The following KCTD16 variants were observed in gnomAD, a reference collection of about 807,000 sequenced individuals.
The protein encoded by KCTD16 is BTB/POZ domain-containing protein KCTD16.
Under a neutral mutation model 33.2 loss-of-function variants are expected in KCTD16, and 13 were observed. That is an observed-to-expected ratio of 0.39 (90% confidence interval 0.25 to 0.62). The LOEUF is 0.62. KCTD16 is among the 20% of genes least tolerant of loss of function. The pLI is 0.50. For synonymous variants in KCTD16, 197 were observed against 195.3 expected (o/e 1.01, Z -0.07); for missense variants, 441 against 525.1 (o/e 0.84, Z 1.57).
intron 3 of KCTD16, among the ~76,000 whole-genome samples, chr5:144,459,099 A>G (rs777320937): frequency 9.2e-5 from 14 of 152,220 alleles, no homozygotes; most frequent in Non-Finnish European, 1.6e-4. Context: ...CAGGAACTGG[A>G]GACAGCCGGA....
chr5:144,328,235 T>C (rs1752260482), intron 3 of KCTD16, among the ~76,000 whole-genome samples: 1 of 152,336 alleles, frequency 6.6e-6, no homozygotes, highest in Non-Finnish European at 1.5e-5. Context: ...CAGAGTTATG[T>C]TGGAGACAAT....
At chr5:144,279,546 C>T (rs1423876910) in intron 3 of KCTD16, among the ~76,000 whole-genome samples, 5 of 152,274 alleles carry the variant, frequency 3.3e-5, no homozygotes, top group South Asian at 4.1e-4. Context: ...TTTCTTTCCT[C>T]GTAATTCTGG....
intron 2 of KCTD16, among the ~76,000 whole-genome samples, chr5:144,200,157 A>ATT (rs11374049): frequency 1.5e-4 from 22 of 149,458 alleles, no homozygotes; most frequent in South Asian, 4.2e-4. Flanking sequence ...GAGTAGCATA[A>ATT]TTTTTTTTTT....
rs1432151208 is a variant in KCTD16, at chr5:144,206,890, G to A, written c.176G>A (p.Arg59Lys). The change falls in exon 3 of 4, where the codon AGA becomes AAA. Residue 59 changes from arginine (R) to lysine (K), a missense_variant. This residue lies in a region of KCTD16 where 80 missense variants were observed against 88.5 expected (regional missense o/e 0.90). Transcript: ENST00000512467. The stretch of plus-strand genomic sequence containing the variant: ...CTGTGGAAAATGTTTTCCCCAAAGA[G>A]AGACACGGCTAATGATCTAGCCAAG... ...SLLWKMFSPK[R>K]DTANDLAKDS... is the part of the protein sequence containing the mutation. The A allele has an allele frequency of 6.2e-7, 1 of 1,614,062 alleles. No homozygotes were observed. The highest frequency in any genetic ancestry group is 8.5e-7 in the Non-Finnish European group (1 of 1,180,044).
At chr5:144,465,885 C>A (rs1754320107) in intron 3 of KCTD16, among the ~76,000 whole-genome samples, 1 of 150,168 alleles carries the variant, frequency 6.7e-6, no homozygotes. Flanking sequence ...GTCACCCAGG[C>A]TGGAGTGCAA....
chr5:144,238,316 G>A (rs546868447), intron 3 of KCTD16, among the ~76,000 whole-genome samples: 2 of 152,238 alleles, frequency 1.3e-5, no homozygotes, highest in African/African-American at 4.8e-5. Context: ...TTGTCCTCTT[G>A]AAGATTTCAG....
chr5:144,227,240 G>A (rs148623074), intron 3 of KCTD16, among the ~76,000 whole-genome samples: 107 of 152,348 alleles, frequency 7.0e-4, no homozygotes, highest in African/African-American at 2.4e-3. Flanking sequence ...AGACAGGCAT[G>A]TCTTCACTGA....
intron 3 of KCTD16, among the ~76,000 whole-genome samples, chr5:144,409,948 A>T (rs1017479826): frequency 6.6e-6 from 1 of 152,246 alleles, no homozygotes; most frequent in Non-Finnish European, 1.5e-5. Context: ...ATGAGATGCC[A>T]TAGAGACTTC....
intron 3 of KCTD16, among the ~76,000 whole-genome samples, chr5:144,301,562 G>C (rs1751444563): frequency 6.6e-6 from 1 of 152,098 alleles, no homozygotes; most frequent in African/African-American, 2.4e-5. Flanking sequence ...GTATATAGTA[G>C]GTGCTTGGAA....
chr5:144,416,938 G>C lies in KCTD16; in HGVS notation c.833-56722G>C, dbSNP rs547967047. 9.9e-5 allele frequency among the ~76,000 whole-genome samples: 15 copies of C among 152,124 alleles called. 1 individual carries two copies. Among genetic ancestry groups the C allele is most frequent in the African/African-American group, 3.4e-4 (14 of 41,512 alleles). On this transcript the variant is annotated intron_variant, in intron 3 of 3. Transcript: ENST00000512467. Reference sequence around the variant, plus strand: ...GTTTGGAAGGCTCATCTACCATCTAGCATGTATCAATACTTCATTCCTTTT... The same window carrying C: ...GTTTGGAAGGCTCATCTACCATCTACCATGTATCAATACTTCATTCCTTTT...
At chr5:144,432,269 G>A (rs1753479612) in intron 3 of KCTD16, among the ~76,000 whole-genome samples, 1 of 152,042 alleles carries the variant, frequency 6.6e-6, no homozygotes, top group African/African-American at 2.4e-5. Context: ...GATTACTAGT[G>A]TTTAGCTCCT....
rs765659416 is a variant in KCTD16, at chr5:144,206,783, C to T, written c.69C>T (p.Phe23=). The change falls in exon 3 of 4, where the codon TTC becomes TTT. Residue 23 remains phenylalanine, a synonymous_variant. Transcript: ENST00000512467. ...REQGSAVPNS[F]PEVVELNVGG... is the part of the protein sequence containing the mutation. ...AAGGGTCCGCAGTTCCCAACTCCTTCCCTGAGGTGGTAGAGCTGAATGTCG... is the reference window on the plus strand; with the variant it reads ...AAGGGTCCGCAGTTCCCAACTCCTTTCCTGAGGTGGTAGAGCTGAATGTCG... 2.5e-6 allele frequency: 4 copies of T among 1,614,144 alleles called. No homozygotes were observed. Among genetic ancestry groups the T allele is most frequent in the Admixed American group, 3.3e-5 (2 of 60,026 alleles).
chr5:144,453,604 ATAAT>A (rs367889752), intron 3 of KCTD16, among the ~76,000 whole-genome samples: 2 of 152,208 alleles, frequency 1.3e-5, no homozygotes, highest in African/African-American at 2.4e-5. Flanking sequence ...AATAGAAGAA[ATAAT>A]TATTTATTTT....
At chr5:144,222,892 C>T (rs1237369855) in intron 3 of KCTD16, among the ~76,000 whole-genome samples, 3 of 152,218 alleles carry the variant, frequency 2.0e-5, no homozygotes, top group East Asian at 3.9e-4. Flanking sequence ...GGAACCAACC[C>T]AAATGTCCAA....
chr5:144,285,875 A>ACCTTCCAGC, intron 3 of KCTD16, among the ~76,000 whole-genome samples: 1 of 152,256 alleles, frequency 6.6e-6, no homozygotes, highest in Admixed American at 6.5e-5. Flanking sequence ...ACCAGACAGA[A>ACCTTCCAGC]CAATTCTAAG....
At chr5:144,425,341 C>T (rs190062608) in intron 3 of KCTD16, among the ~76,000 whole-genome samples, 1 of 151,964 alleles carries the variant, frequency 6.6e-6, no homozygotes, top group Admixed American at 6.6e-5. Context: ...GGCCTATAGC[C>T]TTGTTGGGCT....
At chr5:144,197,295 A>C (rs1752957322) in intron 2 of KCTD16, among the ~76,000 whole-genome samples, 1 of 152,294 alleles carries the variant, frequency 6.6e-6, no homozygotes, top group Middle Eastern at 3.4e-3. Context: ...GAACATAAAC[A>C]TATATATTAC....
At chr5:144,402,890 AG>A (rs1181425955) in intron 3 of KCTD16, among the ~76,000 whole-genome samples, 1 of 152,154 alleles carries the variant, frequency 6.6e-6, no homozygotes, top group Non-Finnish European at 1.5e-5. Context: ...TACCGTTTGG[AG>A]GTTAGAAGTT....
chr5:144,304,675 G>A (rs529482429), intron 3 of KCTD16, among the ~76,000 whole-genome samples: 8 of 152,226 alleles, frequency 5.3e-5, no homozygotes, highest in East Asian at 1.9e-4. Context: ...GACTTGCACC[G>A]TCCAGTGGCA....
Sources: allele counts gnomAD v4.1 joint callset (sites outside exome capture counted in the v4.1 genomes callset), GRCh38; gene constraint gnomAD v4.1.1; regional missense constraint gnomAD v4.1.1; transcripts MANE v1.5; gene names NCBI Gene and HGNC (gene_info 2026-07-23, HGNC 2026-07-21).